Variants in EFNA5 observed in about 807,000 individuals in gnomAD.
EFNA5 encodes ephrin-A5.
In EFNA5, 5 loss-of-function variants were observed where a neutral mutation model predicts 22.9. The ratio of observed to expected loss-of-function variants is 0.22; its 90% CI spans 0.11 to 0.46. The LOEUF is 0.46. Ranked by LOEUF, EFNA5 falls within the 20% of genes least tolerant of loss-of-function variation. EFNA5 has a pLI of 0.99. For missense variants in EFNA5, 237 were observed against 293.3 expected, an observed-to-expected ratio of 0.81 and a Z score of 1.40; for synonymous variants, 113 against 112.2, an observed-to-expected ratio of 1.01 and a Z score of -0.04.
At chr5:107,638,264 C>T (rs535599283) in intron 1 of EFNA5, among the ~76,000 whole-genome samples, 4 of 152,182 alleles carry the variant, frequency 2.6e-5, no homozygotes, top group East Asian at 1.9e-4. Flanking sequence ...GATACAACAC[C>T]GCGTGATCTC....
intron 1 of EFNA5, among the ~76,000 whole-genome samples, chr5:107,647,681 C>T (rs1023834722): frequency 7.9e-5 from 12 of 152,162 alleles, no homozygotes; most frequent in Admixed American, 2.6e-4. Flanking sequence ...CCAGCAAACA[C>T]ACATTTTACT....
intron 1 of EFNA5, among the ~76,000 whole-genome samples, chr5:107,649,447 A>T (rs994848084): frequency 1.3e-5 from 2 of 152,224 alleles, no homozygotes; most frequent in African/African-American, 4.8e-5. Flanking sequence ...CTAATCGTCA[A>T]ATGACTAATT....
At chr5:107,571,845 TGCTCAATGAACACACTTG>T (rs1157507484) in intron 1 of EFNA5, among the ~76,000 whole-genome samples, 1 of 152,016 alleles carries the variant, frequency 6.6e-6, no homozygotes, top group Non-Finnish European at 1.5e-5. Context: ...AACAGCAAAA[TGCTCAATGAACACACTTG>T]GTCCTGTTCC....
chr5:107,493,516 C>G (rs1314096841), intron 1 of EFNA5, among the ~76,000 whole-genome samples: 1 of 152,146 alleles, frequency 6.6e-6, no homozygotes, highest in Non-Finnish European at 1.5e-5. Flanking sequence ...GCTCCAATGC[C>G]TAAATTCCTT....
chr5:107,571,972 A>G (rs1257580346), intron 1 of EFNA5, among the ~76,000 whole-genome samples: 1 of 152,098 alleles, frequency 6.6e-6, no homozygotes, highest in African/African-American at 2.4e-5. Context: ...GACGGCAGGG[A>G]TGGCAAAGCA....
At chr5:107,591,960 TATATATAATATATATA>T (rs1561443069) in intron 1 of EFNA5, among the ~76,000 whole-genome samples, 29 of 11,890 alleles carry the variant, frequency 2.4e-3, no homozygotes, top group Non-Finnish European at 3.8e-3. Context: ...TAATATATAA[TATATATAATATATATA>T]ATATATAATA....
chr5:107,482,803 T>C (rs1160427188), intron 1 of EFNA5, among the ~76,000 whole-genome samples: 2 of 99,378 alleles, frequency 2.0e-5, no homozygotes, highest in East Asian at 5.7e-4. Flanking sequence ...CTGCTCTCTC[T>C]CTCTCTCTCT....
intron 2 of EFNA5, among the ~76,000 whole-genome samples, chr5:107,422,610 G>C (rs1748701730): frequency 1.3e-5 from 2 of 152,252 alleles, no homozygotes. Context: ...GGAGTGTACT[G>C]GATAGGAGAG....
chr5:107,670,845 C>T lies in EFNA5; in HGVS notation c.-232G>A. The stretch of plus-strand genomic sequence containing the variant: ...GGGGGGTGATAAAGACAAACTCGCA[C>T]CCCCACTGGAGGGTTCAGGAGGAAA... On this transcript the variant is annotated 5_prime_UTR_variant, in exon 1 of 5. In the 5' UTR this introduces an upstream ATG that the reference lacks. Transcript: ENST00000333274. 1.8e-6 allele frequency: 1 copy of T among 557,316 alleles called. No homozygotes were observed. Among genetic ancestry groups the T allele is most frequent in the Non-Finnish European group, 3.2e-6 (1 of 316,418 alleles). The allele number at this position is 557,316 out of a possible 1,614,324, so 34.5% of individuals were successfully genotyped here.
chr5:107,553,930 C>T (rs2112470748), intron 1 of EFNA5, among the ~76,000 whole-genome samples: 1 of 152,256 alleles, frequency 6.6e-6, no homozygotes, highest in South Asian at 2.1e-4. Flanking sequence ...TAACTTCTTC[C>T]ACACATCATT....
chr5:107,517,567 T>C (rs552705554), intron 1 of EFNA5, among the ~76,000 whole-genome samples: 1 of 152,344 alleles, frequency 6.6e-6, no homozygotes, highest in East Asian at 1.9e-4. Flanking sequence ...TTTAGCCTCT[T>C]CTTGTGTGCC....
chr5:107,498,739 A>C (rs1747054805), intron 1 of EFNA5, among the ~76,000 whole-genome samples: 2 of 152,172 alleles, frequency 1.3e-5, no homozygotes. Flanking sequence ...CCATGAAGCT[A>C]GCCCTGCACC....
intron 1 of EFNA5, among the ~76,000 whole-genome samples, chr5:107,556,813 A>G (rs2112473411): frequency 6.6e-6 from 1 of 151,694 alleles, no homozygotes; most frequent in African/African-American, 2.4e-5. Context: ...TAACTATCTC[A>G]AATCCAGTGG....
intron 1 of EFNA5, among the ~76,000 whole-genome samples, chr5:107,644,209 G>C (rs1457994953): frequency 6.6e-6 from 1 of 152,170 alleles, no homozygotes; most frequent in Admixed American, 6.5e-5. Context: ...CAATACAGGG[G>C]ATGACTTCTT....
intron 1 of EFNA5, among the ~76,000 whole-genome samples, chr5:107,435,318 T>C (rs986382794): frequency 1.1e-5 from 1 of 87,482 alleles, no homozygotes; most frequent in African/African-American, 3.9e-5. Flanking sequence ...AGATGCTCTT[T>C]TTTTTTTTTT....
intron 1 of EFNA5, among the ~76,000 whole-genome samples, chr5:107,617,521 C>T (rs573025965): frequency 1.3e-5 from 2 of 152,176 alleles, no homozygotes; most frequent in East Asian, 3.9e-4. Flanking sequence ...CAGCTTTCCC[C>T]GCCACCATTA....
At chr5:107,458,084 T>C (rs1484549942) in intron 1 of EFNA5, among the ~76,000 whole-genome samples, 1 of 152,202 alleles carries the variant, frequency 6.6e-6, no homozygotes, top group Non-Finnish European at 1.5e-5. Flanking sequence ...ACGTTGATCA[T>C]ATCATATTTA....
At chr5:107,461,659 GT>G (rs1275362550) in intron 1 of EFNA5, among the ~76,000 whole-genome samples, 1 of 152,148 alleles carries the variant, frequency 6.6e-6, no homozygotes, top group Non-Finnish European at 1.5e-5. Context: ...TTAATTTTAT[GT>G]GAGAATAGCA....
At chr5:107,552,600 T>C (rs1238406515) in intron 1 of EFNA5, among the ~76,000 whole-genome samples, 1 of 152,192 alleles carries the variant, frequency 6.6e-6, no homozygotes, top group Non-Finnish European at 1.5e-5. Context: ...CTGTGAAAAA[T>C]GTAACTGATA....
Sources: allele counts gnomAD v4.1 joint callset (sites outside exome capture counted in the v4.1 genomes callset), GRCh38; gene constraint gnomAD v4.1.1; transcripts MANE v1.5; gene names NCBI Gene and HGNC (gene_info 2026-07-23, HGNC 2026-07-21).